PRR5L: variants seen among roughly 807,000 people sequenced by gnomAD.
The protein encoded by PRR5L is proline-rich protein 5-like.
PRR5L carries 21 observed loss-of-function variants against 36.4 expected under a neutral mutation model. That is an observed-to-expected ratio of 0.58 (90% CI 0.41 to 0.83). PRR5L has a LOEUF of 0.83. Ranked by LOEUF, PRR5L falls within the 40% of genes least tolerant of loss-of-function variation. The pLI, the probability that PRR5L is intolerant of heterozygous loss-of-function variation, is 0.00. For missense variants in PRR5L, 381 were observed against 473.3 expected, an observed-to-expected ratio of 0.80 and a Z score of 1.81; for synonymous variants, 188 against 197.0, an observed-to-expected ratio of 0.95 and a Z score of 0.38.
At chr11:36,339,614 A>G (rs886304897) in intron 1 of PRR5L, among the ~76,000 whole-genome samples, 3 of 152,234 alleles carry the variant, frequency 2.0e-5, no homozygotes, top group African/African-American at 7.2e-5. Flanking sequence ...TTACAGATAA[A>G]AATGAGGCAC....
At chr11:36,403,230 C>T (rs185697968) in intron 2 of PRR5L, 68 bp from the exon 3 acceptor site, 2 of 1,394,092 alleles carry the variant, frequency 1.4e-6, no homozygotes, top group Admixed American at 3.4e-5. Context: ...ACCTTCAGCC[C>T]TGAGCTGCTA....
intron 1 of PRR5L, among the ~76,000 whole-genome samples, chr11:36,297,711 T>C (rs1856327614): frequency 6.6e-6 from 1 of 152,090 alleles, no homozygotes; most frequent in Non-Finnish European, 1.5e-5. Context: ...CATTCAGCAA[T>C]TGGGATGTCC....
chr11:36,389,517 C>T (rs1002910267), intron 1 of PRR5L, among the ~76,000 whole-genome samples: 4 of 151,994 alleles, frequency 2.6e-5, no homozygotes, highest in African/African-American at 7.3e-5. Context: ...GAGGAACATA[C>T]GCAGGTCATC....
intron 8 of PRR5L, among the ~76,000 whole-genome samples, chr11:36,453,622 G>A (rs1221852026): frequency 6.6e-6 from 1 of 152,138 alleles, no homozygotes; most frequent in Non-Finnish European, 1.5e-5. Context: ...AGGTGCTATA[G>A]CTATATCTGT....
At chr11:36,383,549 T>C (rs1169255750) in intron 1 of PRR5L, among the ~76,000 whole-genome samples, 2 of 152,194 alleles carry the variant, frequency 1.3e-5, no homozygotes, top group East Asian at 1.9e-4. Flanking sequence ...TTTTCTGTAA[T>C]AAACCAAAAG....
intron 7 of PRR5L, among the ~76,000 whole-genome samples, chr11:36,447,811 G>T (rs1196730296): frequency 2.0e-5 from 3 of 152,154 alleles, no homozygotes; most frequent in African/African-American, 7.2e-5. Context: ...TAATTGGCCG[G>T]AATGCCAGGT....
At chr11:36,326,833 T>C (rs1156491892) in intron 1 of PRR5L, among the ~76,000 whole-genome samples, 3 of 152,130 alleles carry the variant, frequency 2.0e-5, no homozygotes, top group African/African-American at 7.2e-5. Context: ...CCCAATTAAA[T>C]ATCATGGTAA....
At chr11:36,317,803 T>C (rs188487596) in intron 1 of PRR5L, among the ~76,000 whole-genome samples, 1 of 152,352 alleles carries the variant, frequency 6.6e-6, no homozygotes, top group African/African-American at 2.4e-5. Context: ...CTTTTTCATA[T>C]GCTTATTAGC....
intron 8 of PRR5L, among the ~76,000 whole-genome samples, chr11:36,461,548 G>A (rs539099846): frequency 6.6e-6 from 1 of 152,070 alleles, no homozygotes; most frequent in African/African-American, 2.4e-5. Context: ...ACTTGAACCT[G>A]GGAAGCGGAG....
chr11:36,374,087 TTCCTTCCTTCCTTCCTTC>T lies in PRR5L; in HGVS notation c.-125-26909_-125-26892del, dbSNP rs1249479587. Among the ~76,000 whole-genome samples, 571 of 117,632 alleles carry T rather than the reference TTCCTTCCTTCCTTCCTTC, an allele frequency of 4.9e-3. 6 individuals carry two copies. Among genetic ancestry groups the T allele is most frequent in the African/African-American group, 0.019 (528 of 28,268 alleles). 77.2% of individuals were successfully genotyped at this position (117,632 alleles called of 152,430 possible). On this transcript the variant is annotated intron_variant, in intron 1 of 8. Transcript: ENST00000530639. ...CTTCCTTCCTTCCTTCCTTCCTTCC[TTCCTTCCTTCCTTCCTTC>T]CTCTCTCTCTCTCTCTCTTTCTTTC...
In PRR5L at chr11:36,451,457, C is replaced by A. The variant is rs912377970; in HGVS notation, c.712+122C>A. ...CTGTTTAACTGAGCACAGCCTTTTG[C>A]TTCCTGTGCGGGTCAGTGCAAATCC... is the stretch of plus-strand genomic sequence containing the variant. On this transcript the variant is annotated intron_variant, in intron 8 of 8. Transcript: ENST00000530639. 4.8e-6 allele frequency: 6 copies of A among 1,251,486 alleles called. No individual in the cohort carries two copies. The East Asian group carries it at 1.5e-4, about 31-fold the overall frequency. 77.5% of individuals were successfully genotyped at this position (1,251,486 alleles called of 1,614,324 possible).
At chr11:36,445,070 T>C (rs1371091565) in intron 6 of PRR5L, among the ~76,000 whole-genome samples, 1 of 152,236 alleles carries the variant, frequency 6.6e-6, no homozygotes, top group Non-Finnish European at 1.5e-5. Context: ...TTTTTTATGG[T>C]ATTGAAATGT....
At chr11:36,453,344 G>T (rs1564954092) in intron 8 of PRR5L, among the ~76,000 whole-genome samples, 1 of 152,164 alleles carries the variant, frequency 6.6e-6, no homozygotes, top group Non-Finnish European at 1.5e-5. Context: ...TCCTATCCCA[G>T]GAACAAGAGT....
chr11:36,318,523 A>G (rs1856581013), intron 1 of PRR5L, among the ~76,000 whole-genome samples: 1 of 148,354 alleles, frequency 6.7e-6, no homozygotes, highest in African/African-American at 2.4e-5. Flanking sequence ...AGGGATGGAT[A>G]TGTGGAGCTA....
At chr11:36,455,392 G>A (rs908113409) in intron 8 of PRR5L, 1 of 153,174 alleles carries the variant, frequency 6.5e-6, no homozygotes, top group African/African-American at 2.4e-5. Flanking sequence ...TGCTCTTGCT[G>A]GCTCCGGTGC....
Position 36,311,299 on chromosome 11 carries a change from T to G in PRR5L, c.-126+14861T>G, listed in dbSNP as rs530118301. ...AAATATCACCTCTTGGTGACATATC[T>G]AGCACCAACAGGACATTTTCACAAC... On this transcript the variant is annotated intron_variant, in intron 1 of 8. Coordinates refer to ENST00000530639, the MANE Select transcript of PRR5L (RefSeq NM_001160167.2). Among the ~76,000 whole-genome samples, 5 of 152,332 alleles carry G rather than the reference T, an allele frequency of 3.3e-5. No homozygotes were observed. In the South Asian group the frequency reaches 1.0e-3, roughly 32 times the overall value.
At chr11:36,328,314 T>G (rs1289304157) in intron 1 of PRR5L, among the ~76,000 whole-genome samples, 1 of 152,194 alleles carries the variant, frequency 6.6e-6, no homozygotes, top group Non-Finnish European at 1.5e-5. Context: ...CCAAATCTTA[T>G]GTCCAATTGT....
intron 1 of PRR5L, among the ~76,000 whole-genome samples, chr11:36,337,384 A>C (rs1323887615): frequency 2.6e-5 from 4 of 151,634 alleles, no homozygotes; most frequent in African/African-American, 9.7e-5. Context: ...AGTGAGCAAG[A>C]CTTCACCATC....
chr11:36,447,351 T>C (rs965731180), intron 7 of PRR5L, among the ~76,000 whole-genome samples: 1 of 152,226 alleles, frequency 6.6e-6, no homozygotes, highest in African/African-American at 2.4e-5. Context: ...GAGGAAATAA[T>C]TTAATTGGTC....
Sources: allele counts gnomAD v4.1 joint callset (sites outside exome capture counted in the v4.1 genomes callset), GRCh38; gene constraint gnomAD v4.1.1; transcripts MANE v1.5; gene names NCBI Gene and HGNC (gene_info 2026-07-23, HGNC 2026-07-21).